TTC29: variants seen among roughly 807,000 people sequenced by gnomAD.
TTC29 encodes tetratricopeptide repeat domain 29.
In TTC29, 49 loss-of-function variants were observed where a neutral mutation model predicts 58.1. That is an observed-to-expected ratio of 0.84 (90% confidence interval 0.67 to 1.07). The LOEUF (loss-of-function observed/expected upper bound fraction) is 1.07, where lower values mean the gene tolerates loss of function less well. TTC29 is among the 50% of genes least tolerant of loss of function. The pLI is 0.00. For missense variants in TTC29, 582 were observed against 555.6 expected (o/e 1.05, Z -0.48); for synonymous variants, 209 against 196.8 (o/e 1.06, Z -0.52).
At chr4:146,837,469 T>C (rs562929480) in intron 8 of TTC29, among the ~76,000 whole-genome samples, 1 of 152,108 alleles carries the variant, frequency 6.6e-6, no homozygotes, top group Admixed American at 6.6e-5. Flanking sequence ...TATATAACAA[T>C]CCTGCACATG....
intron 11 of TTC29, among the ~76,000 whole-genome samples, chr4:146,722,674 C>G (rs1363460854): frequency 6.6e-6 from 1 of 151,974 alleles, no homozygotes; most frequent in Non-Finnish European, 1.5e-5. Context: ...AAAAGTAACT[C>G]AAGATGGATT....
intron 8 of TTC29, among the ~76,000 whole-genome samples, chr4:146,845,318 A>C (rs916773009): frequency 6.6e-6 from 1 of 152,132 alleles, no homozygotes; most frequent in Non-Finnish European, 1.5e-5. Flanking sequence ...TACTGGCAAG[A>C]GAAATAGGCC....
intron 8 of TTC29, among the ~76,000 whole-genome samples, 179 bp from the exon 9 acceptor site, chr4:146,834,076 G>T (rs1039414019): frequency 2.0e-5 from 3 of 152,060 alleles, no homozygotes; most frequent in Non-Finnish European, 4.4e-5. Flanking sequence ...TTGTTTTGTG[G>T]CAATCTCTTT....
chr4:146,861,184 A>C (rs966532188), intron 8 of TTC29, among the ~76,000 whole-genome samples: 1 of 152,188 alleles, frequency 6.6e-6, no homozygotes, highest in African/African-American at 2.4e-5. Flanking sequence ...AAGAGAGGCC[A>C]TTCCTTTTCC....
chr4:146,944,246 G>A (rs1262669309), intron 2 of TTC29: 2 of 152,206 alleles, frequency 1.3e-5, no homozygotes, highest in Admixed American at 6.5e-5. Flanking sequence ...TCAAAAGGCC[G>A]CCTGAAGCCA....
intron 4 of TTC29, among the ~76,000 whole-genome samples, chr4:146,910,301 A>C (rs953227006): frequency 1.3e-5 from 2 of 152,048 alleles, no homozygotes; most frequent in Non-Finnish European, 2.9e-5. Context: ...CTAGGAACCA[A>C]ATGAAATTAG....
intron 3 of TTC29, among the ~76,000 whole-genome samples, chr4:146,939,190 C>T (rs1481352785): frequency 1.3e-5 from 2 of 152,182 alleles, no homozygotes; most frequent in African/African-American, 4.8e-5. Flanking sequence ...CATGGCGGCT[C>T]ATCCCTACAA....
intron 11 of TTC29, among the ~76,000 whole-genome samples, chr4:146,762,619 A>G (rs938944039): frequency 6.6e-6 from 1 of 151,912 alleles, no homozygotes; most frequent in Non-Finnish European, 1.5e-5. Flanking sequence ...GGATTTAGAA[A>G]TTGTTTATCT....
chr4:146,924,417 A>G (rs1432501382), intron 4 of TTC29, among the ~76,000 whole-genome samples: 1 of 151,896 alleles, frequency 6.6e-6, no homozygotes, highest in Admixed American at 6.6e-5. Flanking sequence ...TTTTTTAACT[A>G]TAGATTTAAT....
chr4:146,731,248 G>A (rs530241169), intron 11 of TTC29, among the ~76,000 whole-genome samples: 40 of 152,054 alleles, frequency 2.6e-4, no homozygotes, highest in Non-Finnish European at 4.6e-4. Flanking sequence ...AGGAAGCAGG[G>A]TCATTAGTTG....
At chr4:146,779,889 T>TATTA (rs1748458637) in intron 11 of TTC29, among the ~76,000 whole-genome samples, 1 of 152,178 alleles carries the variant, frequency 6.6e-6, no homozygotes, top group Admixed American at 6.6e-5. Flanking sequence ...TAGAACCTCC[T>TATTA]ATTAACTAGT....
At chr4:146,776,604 C>T (rs555508879) in intron 11 of TTC29, among the ~76,000 whole-genome samples, 3 of 152,118 alleles carry the variant, frequency 2.0e-5, no homozygotes, top group Non-Finnish European at 4.4e-5. Flanking sequence ...AGTACTGGAC[C>T]CCCAACTTTG....
At chr4:146,809,113 C>A (rs1356931007) in intron 10 of TTC29, among the ~76,000 whole-genome samples, 1 of 149,736 alleles carries the variant, frequency 6.7e-6, no homozygotes, top group Non-Finnish European at 1.5e-5. Flanking sequence ...CTTTGACAAA[C>A]CTGACAAAAA....
intron 8 of TTC29, among the ~76,000 whole-genome samples, chr4:146,859,817 A>C (rs1020738444): frequency 6.6e-6 from 1 of 152,092 alleles, no homozygotes; most frequent in African/African-American, 2.4e-5. Flanking sequence ...AGAAGGAAAG[A>C]GGATTTTAAG....
intron 11 of TTC29, among the ~76,000 whole-genome samples, chr4:146,711,198 A>C (rs777599522): frequency 6.6e-6 from 1 of 152,134 alleles, no homozygotes; most frequent in Admixed American, 6.6e-5. Flanking sequence ...ACAAACCAAA[A>C]GTATTGTTGT....
intron 11 of TTC29, among the ~76,000 whole-genome samples, chr4:146,750,623 G>T (rs1296848392): frequency 6.6e-6 from 1 of 152,150 alleles, no homozygotes; most frequent in South Asian, 2.1e-4. Context: ...TAGAGGTTTT[G>T]TATGCAACAG....
intron 11 of TTC29, among the ~76,000 whole-genome samples, chr4:146,800,611 G>A (rs938867833): frequency 6.6e-6 from 1 of 152,148 alleles, no homozygotes; most frequent in Non-Finnish European, 1.5e-5. Flanking sequence ...TAATTGGATG[G>A]TAATCAAAAT....
intron 11 of TTC29, among the ~76,000 whole-genome samples, chr4:146,748,120 G>A (rs1282955799): frequency 6.6e-6 from 1 of 152,180 alleles, no homozygotes; most frequent in African/African-American, 2.4e-5. Context: ...AGCTGCCAGA[G>A]TGCCCTGTTG....
intron 11 of TTC29, among the ~76,000 whole-genome samples, chr4:146,719,311 G>T (rs1305198704): frequency 6.6e-6 from 1 of 151,426 alleles, no homozygotes; most frequent in Non-Finnish European, 1.5e-5. Context: ...CTATGCTTTA[G>T]GTATTATTAT....
Sources: allele counts gnomAD v4.1 joint callset (sites outside exome capture counted in the v4.1 genomes callset), GRCh38; gene constraint gnomAD v4.1.1; transcripts MANE v1.5; gene names NCBI Gene and HGNC (gene_info 2026-07-23, HGNC 2026-07-21).